GNAS: variants seen among roughly 807,000 people sequenced by gnomAD.
GNAS encodes protein ALEX.
A neutral mutation model predicts 54.5 loss-of-function variants in GNAS; 8 were observed. The ratio of observed to expected loss-of-function variants is 0.15; its 90% CI spans 0.09 to 0.26. The LOEUF is 0.26. Ranked by LOEUF, GNAS falls within the 10% of genes least tolerant of loss-of-function variation. The pLI, the probability that GNAS is intolerant of heterozygous loss-of-function variation, is 1.00. For synonymous variants in GNAS, 204 were observed against 191.4 expected (o/e 1.07, Z -0.54); for missense variants, 170 against 529.8 (o/e 0.32, Z 6.67).
chr20:58,904,357 TA>T (rs921226189), intron 5 of GNAS, among the ~76,000 whole-genome samples: 6 of 151,964 alleles, frequency 3.9e-5, no homozygotes, highest in African/African-American at 1.2e-4. Flanking sequence ...TTCTCATTAT[TA>T]AAAAAAATGA....
At chr20:58,871,658 T>TAAAAAAAAAG (rs2087475943) in intron 1 of GNAS, among the ~76,000 whole-genome samples, 1 of 87,022 alleles carries the variant, frequency 1.1e-5, no homozygotes, top group Non-Finnish European at 2.2e-5. Context: ...CCAAAAAAAT[T>TAAAAAAAAAG]AAAAGGGAGA....
chr20:58,861,486 A>G (rs2086779534), intron 1 of GNAS, among the ~76,000 whole-genome samples: 1 of 152,154 alleles, frequency 6.6e-6, no homozygotes, highest in Admixed American at 6.5e-5. Flanking sequence ...TTCCCATCAG[A>G]TTCCTGTTCT....
chr20:58,891,121 G>A (rs1353123529), upstream of GNAS, among the ~76,000 whole-genome samples: 6 of 146,210 alleles, frequency 4.1e-5, no homozygotes, highest in Non-Finnish European at 9.1e-5. Context: ...GCTGCTGCCC[G>A]AGCCCGGGGG....
At chr20:58,854,209 C>G (rs778672597) in intron 1 of GNAS, 4 of 1,613,152 alleles carry the variant, frequency 2.5e-6, no homozygotes, top group Non-Finnish European at 3.4e-6. Context: ...GGCAGCGCCC[C>G]CGCTGGGGTC....
At chr20:58,845,691 T>G (rs543988640) in intron 1 of GNAS, among the ~76,000 whole-genome samples, 197 of 152,336 alleles carry the variant, frequency 1.3e-3, no homozygotes, top group African/African-American at 4.5e-3. Context: ...TTTAAAAATC[T>G]CATGAGTTTT....
chr20:58,860,785 C>A (rs769932267), intron 1 of GNAS, among the ~76,000 whole-genome samples: 3 of 152,190 alleles, frequency 2.0e-5, no homozygotes, highest in Admixed American at 2.0e-4. Flanking sequence ...CTCAGCCTCT[C>A]GAATAGCTGG....
Position 58,878,043 on chromosome 20 carries a change from T to C in GNAS, c.44-17569T>C, listed in dbSNP as rs1157972524. Among the ~76,000 whole-genome samples, 5 of 152,210 alleles carry C rather than the reference T, an allele frequency of 3.3e-5. No individual in the cohort carries two copies. In the East Asian group the frequency reaches 9.6e-4, roughly 29 times the overall value. On this transcript the variant is annotated intron_variant, in intron 1 of 12. Transcript: ENST00000306090. The stretch of plus-strand genomic sequence containing the variant: ...GAAGGTGCATTATTTTGTGTTTCCT[T>C]TCACCTCCCTCCTTGGTTTTAGGGC...
intron 1 of GNAS, among the ~76,000 whole-genome samples, chr20:58,892,922 A>G (rs936038083): frequency 2.2e-5 from 3 of 136,326 alleles, no homozygotes; most frequent in Admixed American, 7.7e-5. Context: ...TTAATAAACC[A>G]TTAAAAAAAA....
At chr20:58,852,588 G>C (rs1429062896) in intron 1 of GNAS, 1 of 178,032 alleles carries the variant, frequency 5.6e-6, no homozygotes, top group Non-Finnish European at 1.2e-5. Flanking sequence ...CCCCTCCCCC[G>C]AGGAGTCGGT....
At chr20:58,854,671 C>T (rs1473713580) in intron 1 of GNAS, 5 of 1,528,226 alleles carry the variant, frequency 3.3e-6, no homozygotes, top group South Asian at 1.2e-5. Flanking sequence ...GATGCCGGGG[C>T]GGCCCCTGAG....
At chr20:58,868,140 C>G (rs969950914) in intron 1 of GNAS, among the ~76,000 whole-genome samples, 1 of 151,910 alleles carries the variant, frequency 6.6e-6, no homozygotes, top group Non-Finnish European at 1.5e-5. Flanking sequence ...CCTGCCTCAG[C>G]TTCCTGAGTA....
chr20:58,904,596 G>T (rs1601124893), intron 5 of GNAS, among the ~76,000 whole-genome samples: 1 of 152,292 alleles, frequency 6.6e-6, no homozygotes, highest in East Asian at 1.9e-4. Context: ...ACAGGGAAGA[G>T]ACTTGTCTAC....
chr20:58,905,205 T>C (rs1396683545), intron 5 of GNAS, among the ~76,000 whole-genome samples, 178 bp from the exon 6 acceptor site: 2 of 152,240 alleles, frequency 1.3e-5, no homozygotes, highest in Non-Finnish European at 2.9e-5. Flanking sequence ...CTTTTGAATA[T>C]GTTTAACGTG....
At chr20:58,875,371 T>G (rs2087738325) in intron 1 of GNAS, among the ~76,000 whole-genome samples, 1 of 152,182 alleles carries the variant, frequency 6.6e-6, no homozygotes, top group South Asian at 2.1e-4. Context: ...GTAAGGGACA[T>G]GTGCATTTTC....
upstream of GNAS, among the ~76,000 whole-genome samples, chr20:58,890,302 G>C (rs1273221984): frequency 2.0e-5 from 3 of 147,838 alleles, no homozygotes; most frequent in African/African-American, 7.4e-5. Context: ...GCCGAGGAGG[G>C]CGCCGTCGGG....
intron 1 of GNAS, among the ~76,000 whole-genome samples, chr20:58,845,914 C>A (rs2085924504): frequency 6.6e-6 from 1 of 152,228 alleles, no homozygotes. Flanking sequence ...GCTGCCTTCC[C>A]AGCTCCCACT....
intron 1 of GNAS, among the ~76,000 whole-genome samples, chr20:58,846,363 C>G (rs2085940238): frequency 1.3e-5 from 2 of 152,068 alleles, no homozygotes; most frequent in Non-Finnish European, 2.9e-5. Context: ...TTTTAAAAGC[C>G]AAATATGGCA....
At chr20:58,840,822 C>T (rs2085686386), upstream of GNAS, 2 of 1,612,688 alleles carry the variant, frequency 1.2e-6, no homozygotes, top group Admixed American at 1.7e-5. This position sits in a 1 kb window ranked among gnomAD's most constrained non-coding sequence, Gnocchi z 6.0. Context: ...AAAAAGGGAC[C>T]CATCCCCATC....
At chr20:58,842,236 A>G (rs1199303521) in intron 1 of GNAS, 15 of 398,412 alleles carry the variant, frequency 3.8e-5, no homozygotes, top group Non-Finnish European at 5.8e-5. Context: ...AAGACTGATA[A>G]GTGAAATGTC....
Sources: gnomAD v4.1 joint callset for allele counts (sites outside exome capture counted in the v4.1 genomes callset) on GRCh38, gnomAD v4.1.1 for gene constraint, Gnocchi (gnomAD v3.1) non-coding constraint, MANE v1.5 for transcripts, NCBI Gene and HGNC (gene_info 2026-07-23, HGNC 2026-07-21) for gene names.